TMEM236: variants seen among roughly 807,000 people sequenced by gnomAD.
The protein encoded by TMEM236 is family with sequence similarity 23, member A.
In TMEM236, 11 loss-of-function variants were observed where a neutral mutation model predicts 14.7. That is an observed-to-expected ratio of 0.75 (90% confidence interval 0.47 to 1.24). TMEM236 has a LOEUF of 1.24. Ranked by LOEUF, TMEM236 falls within the 50% of genes most tolerant of loss-of-function variation. The pLI is 0.00. For synonymous variants in TMEM236, 182 were observed against 168.6 expected (o/e 1.08, Z -0.62); for missense variants, 464 against 427.3 (o/e 1.09, Z -0.76).
intron 1 of TMEM236, among the ~76,000 whole-genome samples, chr10:17,770,335 A>C (rs1019292790): frequency 6.6e-6 from 1 of 152,164 alleles, no homozygotes; most frequent in Non-Finnish European, 1.5e-5. Context: ...TTCTTGTCCC[A>C]TAAATTAAGG....
intron 1 of TMEM236, among the ~76,000 whole-genome samples, chr10:17,764,272 C>T (rs1431438690): frequency 6.6e-6 from 1 of 152,184 alleles, no homozygotes; most frequent in Non-Finnish European, 1.5e-5. Flanking sequence ...GCTGAGCTTA[C>T]TGAGTTCATC....
intron 1 of TMEM236, among the ~76,000 whole-genome samples, chr10:17,768,159 C>T (rs959301602): frequency 3.0e-5 from 4 of 134,202 alleles, no homozygotes; most frequent in Non-Finnish European, 6.1e-5. Flanking sequence ...AACTCCTGGG[C>T]TCGAGTGATC....
intron 1 of TMEM236, among the ~76,000 whole-genome samples, chr10:17,765,046 T>C (rs917044787): frequency 1.5e-3 from 231 of 152,058 alleles, no homozygotes; most frequent in African/African-American, 5.3e-3. Flanking sequence ...GGTCTTGATC[T>C]CTGGACCTTG....
rs900028880 is a variant in TMEM236 at position 17,774,578 on chromosome 10, C to T, written c.331-1451C>T. On this transcript the variant is annotated intron_variant, in intron 2 of 3. Coordinates refer to ENST00000377495, the MANE Select transcript of TMEM236 (RefSeq NM_001098844.3). ...ATACATAATTCCTATGCCAACTCTA[C>T]ACTGTCTTAGTTCTTGCAGCTTTAT... Among the ~76,000 whole-genome samples the T allele has an allele frequency of 1.8e-4, 27 of 152,084 alleles. 1 individual carries two copies. Among genetic ancestry groups the T allele is most frequent in the Admixed American group, 1.8e-3 (27 of 15,258 alleles).
At chr10:17,752,937 TTTG>T (rs1837230857) in intron 1 of TMEM236, among the ~76,000 whole-genome samples, 1 of 152,012 alleles carries the variant, frequency 6.6e-6, no homozygotes, top group African/African-American at 2.4e-5. Flanking sequence ...TGTTTTTTTG[TTTG>T]TTGTTTGTTT....
At chr10:17,775,790 T>C (rs567051017) in intron 2 of TMEM236, among the ~76,000 whole-genome samples, 3 of 152,354 alleles carry the variant, frequency 2.0e-5, no homozygotes, top group Admixed American at 2.0e-4. Flanking sequence ...TTTTTGCATG[T>C]ATTTACCAAG....
At chr10:17,777,773 C>T (rs1021424598) in intron 3 of TMEM236, among the ~76,000 whole-genome samples, 26,554 of 151,964 alleles carry the variant, frequency 0.17, 2,398 homozygotes, top group African/African-American at 0.21. Flanking sequence ...GTTTTTGAGA[C>T]GGAGTCTTGC....
intron 3 of TMEM236, 26 bp downstream of exon 3, chr10:17,776,196 T>C: frequency 1.9e-6 from 3 of 1,595,350 alleles, no homozygotes; most frequent in Non-Finnish European, 2.6e-6. Flanking sequence ...AATGTGAATA[T>C]TTTTTAAAGT....
At position 17,797,997 on chromosome 10, in the gene TMEM236, T is replaced by C. The variant is rs1274992972; in HGVS notation, c.*1493T>C. 6.5e-6 allele frequency: 1 copy of C among 153,050 alleles called. No homozygotes were observed. The highest frequency in any genetic ancestry group is 1.5e-5 in the Non-Finnish European group (1 of 68,644). 9.5% of individuals were successfully genotyped at this position (153,050 alleles called of 1,614,324 possible). ...TAATAGCCAATGTATCAGTGTCTTA[T>C]GTGATACTATATCATGGATATATTG... On this transcript the variant is annotated 3_prime_UTR_variant, in exon 4 of 4. Coordinates refer to ENST00000377495, the MANE Select transcript of TMEM236 (RefSeq NM_001098844.3).
In TMEM236 at chr10:17,781,357, T is replaced by C. The variant is rs980495876; in HGVS notation, c.472+5187T>C. On this transcript the variant is annotated intron_variant, in intron 3 of 3. Coordinates refer to ENST00000377495, the MANE Select transcript of TMEM236 (RefSeq NM_001098844.3). ...CACCTTGAATCAACAAACCTGGTGC[T>C]GGGAGGCAAGTTTCCTTCTTAAAAC... Among the ~76,000 whole-genome samples the C allele has an allele frequency of 3.5e-3, 538 of 152,346 alleles. 1 individual carries two copies. The highest frequency in any genetic ancestry group is 4.4e-3 in the Non-Finnish European group (299 of 68,024).
intron 2 of TMEM236, among the ~76,000 whole-genome samples, chr10:17,774,791 A>C (rs1222881510): frequency 0.014 from 1,379 of 96,160 alleles, no homozygotes; most frequent in Middle Eastern, 0.029. Flanking sequence ...CTCCTTCCCT[A>C]CCTCCTTTCT....
rs899523974 is a variant in TMEM236, at chr10:17,759,291, T to G, written c.257+6739T>G. ...AGCCTGAAACTGGAGCAGATCTTCA[T>G]TGAGAAGGTACATTGGCAGTAGGAT... is the stretch of plus-strand genomic sequence containing the variant. On this transcript the variant is annotated intron_variant, in intron 1 of 3. Coordinates refer to ENST00000377495, the MANE Select transcript of TMEM236 (RefSeq NM_001098844.3). 2.0e-5 allele frequency among the ~76,000 whole-genome samples: 3 copies of G among 152,186 alleles called. No homozygotes were observed. In the South Asian group the frequency reaches 6.2e-4, roughly 32 times the overall value.
intron 1 of TMEM236, among the ~76,000 whole-genome samples, chr10:17,764,933 A>G (rs1837437879): frequency 6.8e-6 from 1 of 146,756 alleles, no homozygotes; most frequent in Non-Finnish European, 1.5e-5. Context: ...CCCAGATTCA[A>G]GCCTCAGCCT....
At chr10:17,763,726 TTA>T (rs1293939767) in intron 1 of TMEM236, among the ~76,000 whole-genome samples, 7 of 152,212 alleles carry the variant, frequency 4.6e-5, no homozygotes, top group African/African-American at 1.7e-4. Context: ...ATATAGTGAA[TTA>T]TTTAAGAGGT....
chr10:17,752,262 G>A lies in TMEM236; in HGVS notation c.-34G>A. On this transcript the variant is annotated 5_prime_UTR_variant, in exon 1 of 4. Transcript: ENST00000377495. ...TATGCTGCCCACAGTCAAAGAGGGAGTCCCAGGTTCTTGGCAGCTTGCTTT... is the reference window on the plus strand; with the variant it reads ...TATGCTGCCCACAGTCAAAGAGGGAATCCCAGGTTCTTGGCAGCTTGCTTT... 1.9e-6 allele frequency: 3 copies of A among 1,613,928 alleles called. No homozygotes were observed. The highest frequency in any genetic ancestry group is 2.5e-6 in the Non-Finnish European group (3 of 1,179,844).
chr10:17,765,860 A>G (rs1453394439), intron 1 of TMEM236, among the ~76,000 whole-genome samples: 2 of 152,190 alleles, frequency 1.3e-5, no homozygotes, highest in Non-Finnish European at 2.9e-5. Flanking sequence ...CTTTGGAACC[A>G]CTGTCAAAGT....
Position 17,766,706 on chromosome 10 carries a change from A to G in TMEM236, c.258-4603A>G, listed in dbSNP as rs1006119434. On this transcript the variant is annotated intron_variant, in intron 1 of 3. Coordinates refer to ENST00000377495, the MANE Select transcript of TMEM236 (RefSeq NM_001098844.3). ...GCGTTAAGTTTCCTAGAAATGCGAC[A>G]ACAAAGTACCTGGATGGCTTGAGCA... Among the ~76,000 whole-genome samples the G allele has an allele frequency of 2.0e-5, 3 of 152,364 alleles. No homozygotes were observed. In the South Asian group the frequency reaches 6.2e-4, roughly 32 times the overall value.
At chr10:17,768,727 A>ATGTGTGTGTGTG (rs570319904) in intron 1 of TMEM236, among the ~76,000 whole-genome samples, 4,352 of 144,170 alleles carry the variant, frequency 0.03, 85 homozygotes, top group Non-Finnish European at 0.044. Flanking sequence ...TATACAACTC[A>ATGTGTGTGTGTG]TGTGTGTGTG....
In TMEM236 at chr10:17,796,273, T is replaced by C. The variant is rs1838013390; in HGVS notation, c.825T>C (p.Ile275=). The C allele has an allele frequency of 6.2e-7, 1 of 1,613,946 alleles. No homozygotes were observed. The highest frequency in any genetic ancestry group is 2.2e-5 in the East Asian group (1 of 44,884). ...ACCCAGTCTACATATTCAGTTTTAT[T>C]TCTCTCCTTCGAATTACATTCACTC... ...WLYPVYIFSF[I]SLLRITFTPQ... The change falls in exon 4 of 4, where the codon ATT becomes ATC. Residue 275 remains isoleucine (I), a synonymous_variant. Coordinates refer to ENST00000377495, the MANE Select transcript of TMEM236 (RefSeq NM_001098844.3).
Sources: allele counts gnomAD v4.1 joint callset (sites outside exome capture counted in the v4.1 genomes callset), GRCh38; gene constraint gnomAD v4.1.1; transcripts MANE v1.5; gene names NCBI Gene and HGNC (gene_info 2026-07-23, HGNC 2026-07-21).